Variants in DCC observed in about 807,000 individuals in gnomAD.
The protein encoded by DCC is DCC netrin 1 receptor, also known as netrin receptor DCC.
DCC carries 58 observed loss-of-function variants against 172.5 expected under a neutral mutation model. The observed-to-expected ratio is 0.34, with a 90% CI of 0.27 to 0.42. DCC has a LOEUF of 0.42. Among genes scored for constraint, DCC ranks in the 10% least tolerant of loss-of-function variants. The pLI is 1.00. For missense variants in DCC, 1,740 were observed against 1,791.0 expected (o/e 0.97, Z 0.51); for synonymous variants, 709 against 644.5 (o/e 1.10, Z -1.52).
chr18:53,493,324 C>G (rs575336761), intron 26 of DCC, among the ~76,000 whole-genome samples: 22 of 152,280 alleles, frequency 1.4e-4, no homozygotes, highest in African/African-American at 5.1e-4. Flanking sequence ...ATTTCTTCCT[C>G]CTGCCTGATT....
At chr18:52,470,778 T>C (rs549885314) in intron 1 of DCC, among the ~76,000 whole-genome samples, 3 of 152,318 alleles carry the variant, frequency 2.0e-5, no homozygotes, top group East Asian at 3.9e-4. Context: ...TATTAAGCTA[T>C]GAATCATCTG....
intron 2 of DCC, among the ~76,000 whole-genome samples, chr18:52,780,690 T>C (rs1256540713): frequency 1.3e-5 from 2 of 152,160 alleles, no homozygotes; most frequent in African/African-American, 2.4e-5. Context: ...TTTATTCAGG[T>C]TCTTTCTGGT....
chr18:53,161,059 C>T (rs1438074244), intron 8 of DCC, among the ~76,000 whole-genome samples: 1 of 152,194 alleles, frequency 6.6e-6, no homozygotes, highest in East Asian at 1.9e-4. Flanking sequence ...AGCATGTAGT[C>T]GAATCTTCCA....
chr18:52,481,126 T>C (rs998256898), intron 1 of DCC, among the ~76,000 whole-genome samples: 2 of 152,214 alleles, frequency 1.3e-5, no homozygotes, highest in Non-Finnish European at 2.9e-5. Flanking sequence ...AACATACTTA[T>C]TGAGGTTTAA....
chr18:52,815,700 C>T (rs1362650088), intron 2 of DCC, among the ~76,000 whole-genome samples: 2 of 152,050 alleles, frequency 1.3e-5, no homozygotes, highest in East Asian at 1.9e-4. Context: ...ATGTTTTACC[C>T]TAATTATTGT....
chr18:52,909,253 T>C (rs776291625), intron 3 of DCC, among the ~76,000 whole-genome samples: 1 of 152,188 alleles, frequency 6.6e-6, no homozygotes, highest in Non-Finnish European at 1.5e-5. Context: ...TATGTGTGTA[T>C]ACATGTTAAT....
At chr18:52,353,151 T>C (rs908201923) in intron 1 of DCC, among the ~76,000 whole-genome samples, 4 of 152,214 alleles carry the variant, frequency 2.6e-5, no homozygotes, top group Admixed American at 6.5e-5. Flanking sequence ...AAGAGTCTTC[T>C]GGTTTGTGGT....
intron 25 of DCC, among the ~76,000 whole-genome samples, chr18:53,475,223 A>G (rs1247682525): frequency 6.6e-6 from 1 of 152,240 alleles, no homozygotes; most frequent in Non-Finnish European, 1.5e-5. Flanking sequence ...CCCTGACAAT[A>G]CAATAGAAAA....
At chr18:52,646,495 A>G (rs2035021585) in intron 1 of DCC, among the ~76,000 whole-genome samples, 1 of 152,154 alleles carries the variant, frequency 6.6e-6, no homozygotes, top group Non-Finnish European at 1.5e-5. Flanking sequence ...ACTGCCTGTT[A>G]CTTCAGATGC....
chr18:52,689,509 T>A (rs1259321184), intron 1 of DCC, among the ~76,000 whole-genome samples: 1 of 152,132 alleles, frequency 6.6e-6, no homozygotes, highest in Admixed American at 6.6e-5. Flanking sequence ...TCTGTTTTCC[T>A]GCATAGACTG....
chr18:53,256,352 C>G (rs1370697757), intron 12 of DCC, among the ~76,000 whole-genome samples: 1 of 152,172 alleles, frequency 6.6e-6, no homozygotes, highest in Non-Finnish European at 1.5e-5. Context: ...TTAGGTCTAA[C>G]ATGTAGGTCT....
chr18:52,382,624 T>G (rs931965206), intron 1 of DCC, among the ~76,000 whole-genome samples: 1 of 152,116 alleles, frequency 6.6e-6, no homozygotes, highest in African/African-American at 2.4e-5. Flanking sequence ...ATTGGAGAGA[T>G]ATTTTGGAGA....
chr18:52,365,596 G>A (rs1984813203), intron 1 of DCC, among the ~76,000 whole-genome samples: 3 of 152,112 alleles, frequency 2.0e-5, no homozygotes, highest in African/African-American at 7.2e-5. Context: ...AAAGCTGAGA[G>A]GGGAGGAGGG....
rs527926980 is a variant in DCC at position 52,370,864 on chromosome 18, G to A, written c.91+29986G>A. Among the ~76,000 whole-genome samples the A allele has an allele frequency of 4.9e-4, 74 of 152,294 alleles. 3 individuals are homozygous for A. The South Asian group carries it at 0.015, about 30-fold the overall frequency. Reference sequence around the variant, plus strand: ...TGATGGAGAAGAAAGGAATAAGATGGCAGAGTGTCTCAAGGAAATCATTGT... The same window carrying A: ...TGATGGAGAAGAAAGGAATAAGATGACAGAGTGTCTCAAGGAAATCATTGT... On this transcript the variant is annotated intron_variant, in intron 1 of 28. Transcript: ENST00000442544.
Position 53,468,517 on chromosome 18 carries a change from G to A in DCC, c.3736+507G>A, listed in dbSNP as rs141014473. On this transcript the variant is annotated intron_variant, in intron 25 of 28. Transcript: ENST00000442544. ...CATGCCTCAGTCTTCCAAGAAGCTG[G>A]GACTACAGGCATGCACCACCATGCC... Among the ~76,000 whole-genome samples, 1,082 of 151,928 alleles carry A rather than the reference G, an allele frequency of 7.1e-3. 4 individuals carry two copies. The highest frequency in any genetic ancestry group is 0.017 in the Middle Eastern group (5 of 292).
rs549787516 is a variant in DCC, at chr18:52,991,980, A to G, written c.985+66610A>G. On this transcript the variant is annotated intron_variant, in intron 5 of 28. Transcript: ENST00000442544. ...ATAGAAGTCTGCAAGGGATGCTGTG[A>G]AAATTAGCATTTGCACTTGCGCAGC... Among the ~76,000 whole-genome samples the G allele has an allele frequency of 3.9e-5, 6 of 152,348 alleles. No individual in the cohort carries two copies. The East Asian group carries it at 1.2e-3, about 29-fold the overall frequency.
At chr18:53,206,560 G>T (rs1034387446) in intron 10 of DCC, among the ~76,000 whole-genome samples, 1 of 142,848 alleles carries the variant, frequency 7.0e-6, no homozygotes, top group South Asian at 2.2e-4. Flanking sequence ...ATACATGTAT[G>T]TATTATATAA....
intron 1 of DCC, among the ~76,000 whole-genome samples, chr18:52,666,787 G>T (rs1253630421): frequency 6.6e-6 from 1 of 152,060 alleles, no homozygotes; most frequent in Non-Finnish European, 1.5e-5. Flanking sequence ...CTTTGAAGAG[G>T]ATCTATTCTA....
At chr18:52,457,109 G>T (rs1310597268) in intron 1 of DCC, among the ~76,000 whole-genome samples, 1 of 152,064 alleles carries the variant, frequency 6.6e-6, no homozygotes, top group African/African-American at 2.4e-5. Context: ...CACTTTTGTA[G>T]TTGAAATCAT....
Sources: gnomAD v4.1 joint callset for allele counts (sites outside exome capture counted in the v4.1 genomes callset) on GRCh38, gnomAD v4.1.1 for gene constraint, MANE v1.5 for transcripts, NCBI Gene and HGNC (gene_info 2026-07-23, HGNC 2026-07-21) for gene names.